ARHGEF1: variants seen among roughly 807,000 people sequenced by gnomAD.
ARHGEF1 encodes Rho guanine nucleotide exchange factor 1.
ARHGEF1 carries 40 observed loss-of-function variants against 119.7 expected under a neutral mutation model. The ratio of observed to expected loss-of-function variants is 0.33; its 90% CI spans 0.26 to 0.44. ARHGEF1 has a LOEUF of 0.44. Among genes scored for constraint, ARHGEF1 ranks in the 20% least tolerant of loss-of-function variants. ARHGEF1 has a pLI of 1.00. For synonymous variants in ARHGEF1, 494 were observed against 521.0 expected, an observed-to-expected ratio of 0.95 and a Z score of 0.71; for missense variants, 976 against 1,268.3, an observed-to-expected ratio of 0.77 and a Z score of 3.50.
At chr19:41,912,550 C>T (rs2074759238) in intron 18 of ARHGEF1, among the ~76,000 whole-genome samples, 1 of 152,210 alleles carries the variant, frequency 6.6e-6, no homozygotes, top group African/African-American at 2.4e-5. Flanking sequence ...TGGGAGCAGG[C>T]TGAGACGTGC....
chr19:41,908,375 A>T, downstream of ARHGEF1: 1 of 1,230,826 alleles, frequency 8.1e-7, no homozygotes, highest in Non-Finnish European at 1.0e-6. The surrounding 1 kb of genome is among the most constrained non-coding windows in gnomAD (Gnocchi z 6.7). Flanking sequence ...CAGCCTCTGG[A>T]CCCCCAGCCC....
Position 41,892,876 on chromosome 19 carries a change from G to A in ARHGEF1, c.614+27G>A, listed in dbSNP as rs3815956. 770 of 1,470,330 alleles carry A rather than the reference G, an allele frequency of 5.2e-4. 8 individuals are homozygous for A. In the East Asian group the frequency reaches 0.014, roughly 27 times the overall value. 91.1% of individuals were successfully genotyped at this position (1,470,330 alleles called of 1,614,324 possible). On this transcript the variant is annotated intron_variant, in intron 7 of 28. Coordinates refer to ENST00000354532, the MANE Select transcript of ARHGEF1 (RefSeq NM_004706.4). This position sits in a 1 kb window ranked among gnomAD's most constrained non-coding sequence, Gnocchi z 6.3. ...TGAGTAGGCCAGCCCTGGTGGGAGC[G>A]TCGCCCCTCCCCAGCACAAGGGCAC...
downstream of ARHGEF1, chr19:41,907,489 G>T: frequency 7.4e-7 from 1 of 1,354,276 alleles, no homozygotes; most frequent in African/African-American, 1.5e-5. Flanking sequence ...GGCCTGGCAT[G>T]GCGTCTGGAA....
In ARHGEF1 at chr19:41,904,436, G is replaced by A. The variant is rs2074656914; in HGVS notation, c.2161+53G>A. 2 of 1,491,490 alleles carry A rather than the reference G, an allele frequency of 1.3e-6. No homozygotes were observed. The highest frequency in any genetic ancestry group is 8.9e-7 in the Non-Finnish European group (1 of 1,119,840). 92.4% of individuals were successfully genotyped at this position (1,491,490 alleles called of 1,614,324 possible). The stretch of plus-strand genomic sequence containing the variant: ...GCAGAGGGTGTCTTTTTTGGGCAGA[G>A]CTGCCTGTGGAGTGGGGAGCAGAAC... On this transcript the variant is annotated intron_variant, in intron 22 of 28. Transcript: ENST00000354532. This position sits in a 1 kb window ranked among gnomAD's most constrained non-coding sequence, Gnocchi z 8.4.
rs2074804931 is a variant in ARHGEF1 at position 41,916,892 on chromosome 19, T to C, written c.1866-6200T>C. On this transcript the variant is annotated intron_variant, in intron 18 of 20. Transcript: ENST00000599589. The surrounding 1 kb of genome is among the most constrained non-coding windows in gnomAD (Gnocchi z 5.4). ...CACAGACACACCCAGACACACTGGG[T>C]AGGGGTGGGCACTCAGAGATGACCC... 6.6e-6 allele frequency among the ~76,000 whole-genome samples: 1 copy of C among 151,810 alleles called. No individual in the cohort carries two copies. The highest frequency in any genetic ancestry group is 2.1e-4 in the South Asian group (1 of 4,800).
chr19:41,902,949 A>AT lies in ARHGEF1; in HGVS notation c.1738+59dup, dbSNP rs782471489. On this transcript the variant is annotated intron_variant, in intron 18 of 28. Transcript: ENST00000354532. The surrounding 1 kb of genome is among the most constrained non-coding windows in gnomAD (Gnocchi z 6.5). ...CTCGGCTCTCCTCTTTTTTTTTTAC[A>AT]TTTTTTTTCTCACTCATTTTCATCA... is the stretch of plus-strand genomic sequence containing the variant. The AT allele has an allele frequency of 2.5e-5, 36 of 1,415,228 alleles. No homozygotes were observed. The highest frequency in any genetic ancestry group is 4.9e-5 in the Admixed American group (2 of 40,742). 87.7% of individuals were successfully genotyped at this position (1,415,228 alleles called of 1,614,324 possible).
rs181625077 is a variant in ARHGEF1 at position 41,889,925 on chromosome 19, C to G, written c.225+1060C>G. On this transcript the variant is annotated intron_variant, in intron 4 of 28. Transcript: ENST00000354532. The surrounding 1 kb of genome is among the most constrained non-coding windows in gnomAD (Gnocchi z 4.0). ...TTCTAGAACACCAGATTGTGGACAT[C>G]AGCCCAGGGATCGTGCTGACTACCA... The G allele has an allele frequency of 2.0e-5, 3 of 152,304 alleles. No individual in the cohort carries two copies. The East Asian group carries it at 5.8e-4, about 29-fold the overall frequency. The allele number at this position is 152,304 out of a possible 1,614,324, so 9.4% of individuals were successfully genotyped here.
At position 41,901,982 on chromosome 19, in the gene ARHGEF1, G is replaced by A. The variant is rs782747123; in HGVS notation, c.1363G>A (p.Glu455Lys). The change falls in exon 15 of 29, where the codon GAG (glutamate) becomes AAG (lysine). Residue 455 changes from glutamate (E) to lysine (K), a missense_variant. Coordinates refer to ENST00000354532, the MANE Select transcript of ARHGEF1 (RefSeq NM_004706.4). ...GGCAGAATGCCTGTTCTTCCCCTTG[G>A]AGGAGCTGCAGAACATCTTCCCCAG... is the stretch of plus-strand genomic sequence containing the variant. Reference protein sequence around the residue: ...PMAECLFFPLEELQNIFPSLD... With the variant: ...PMAECLFFPLKELQNIFPSLD... The A allele has an allele frequency of 7.4e-6, 12 of 1,613,962 alleles. No homozygotes were observed. The Admixed American group carries it at 1.8e-4, about 25-fold the overall frequency.
chr19:41,896,693 C>A, intron 13 of ARHGEF1: 1 of 695,898 alleles, frequency 1.4e-6, no homozygotes, highest in Non-Finnish European at 2.6e-6. Flanking sequence ...TCCTTTTATC[C>A]TTCCTTTTTC....
At position 41,905,615 on chromosome 19, in the gene ARHGEF1, C is replaced by T; in HGVS notation, c.2337-145C>T. On this transcript the variant is annotated intron_variant, in intron 24 of 28. Transcript: ENST00000354532. The surrounding 1 kb of genome is among the most constrained non-coding windows in gnomAD (Gnocchi z 6.4). ...GCCTCTGTGTCTTCCATTGTCTGGG[C>T]CTCTCTGTCTCCCTGTCTCCCGGCC... is the stretch of plus-strand genomic sequence containing the variant. 1 of 797,174 alleles carries T rather than the reference C, an allele frequency of 1.3e-6. No individual in the cohort carries two copies. Among genetic ancestry groups the T allele is most frequent in the Non-Finnish European group, 2.0e-6 (1 of 504,166 alleles). 49.4% of individuals were successfully genotyped at this position (797,174 alleles called of 1,614,324 possible). A position where few individuals can be genotyped will look rare whatever the true frequency, so the allele number is the denominator to read the frequency against.
At chr19:41,920,313 C>T (rs1373297597), upstream of ARHGEF1, among the ~76,000 whole-genome samples, 1 of 145,296 alleles carries the variant, frequency 6.9e-6, no homozygotes, top group African/African-American at 2.5e-5. Flanking sequence ...ACAGACATGA[C>T]ATGCCCAGAC....
At chr19:41,924,152 G>A (rs1283254304) in intron 1 of ARHGEF1, among the ~76,000 whole-genome samples, 1 of 151,778 alleles carries the variant, frequency 6.6e-6, no homozygotes, top group Non-Finnish European at 1.5e-5. Flanking sequence ...TAGGGGAGAT[G>A]GGGTTGGGAG....
intron 1 of ARHGEF1, among the ~76,000 whole-genome samples, chr19:41,886,250 C>G (rs542740948): frequency 3.3e-5 from 5 of 152,174 alleles, no homozygotes; most frequent in East Asian, 1.9e-4. Flanking sequence ...CTAAGTGTCT[C>G]TTTTGTGTCA....
In ARHGEF1 at chr19:41,883,267, G is replaced by A. The variant is rs1555844690; in HGVS notation, c.-42G>A. The A allele has an allele frequency of 5.0e-6, 1 of 199,494 alleles. No homozygotes were observed. The highest frequency in any genetic ancestry group is 1.1e-5 in the Non-Finnish European group (1 of 88,666). The allele number at this position is 199,494 out of a possible 1,614,324, so 12.4% of individuals were successfully genotyped here. A position where few individuals can be genotyped will look rare whatever the true frequency, so the allele number is the denominator to read the frequency against. On this transcript the variant is annotated 5_prime_UTR_variant, in exon 1 of 29. Transcript: ENST00000354532. This position sits in a 1 kb window ranked among gnomAD's most constrained non-coding sequence, Gnocchi z 7.6. ...CGAGCCCGACCTCGGGCGCCCCGCC[G>A]GTCACCTCCGCGCGGACACCAGGTA...
At position 41,901,906 on chromosome 19, in the gene ARHGEF1, G is replaced by A. The variant is rs782246247; in HGVS notation, c.1287G>A (p.Ala429=). ...EVISELLVTE[A]AHVRMLRVLH... ...CTGCAGAGCTGCTGGTGACAGAGGC[G>A]GCCCACGTGCGCATGCTGCGGGTGC... Residue 429 remains alanine, a synonymous_variant, in exon 15 of 29, where the codon GCG becomes GCA. Coordinates refer to ENST00000354532, the MANE Select transcript of ARHGEF1 (RefSeq NM_004706.4). The A allele has an allele frequency of 1.9e-5, 30 of 1,611,432 alleles. No individual in the cohort carries two copies. The highest frequency in any genetic ancestry group is 6.7e-5 in the East Asian group (3 of 44,868).
intron 28 of ARHGEF1, 64 bp from the exon 29 acceptor site, chr19:41,907,041 G>C (rs981596276): frequency 1.4e-6 from 2 of 1,395,364 alleles, no homozygotes. Flanking sequence ...TTGTCTCTGT[G>C]TCTGTCTCTC....
At chr19:41,919,275 A>T (rs566949274), upstream of ARHGEF1, among the ~76,000 whole-genome samples, 211 of 152,288 alleles carry the variant, frequency 1.4e-3, 1 homozygote, top group Middle Eastern at 6.8e-3. Context: ...GGGTGACACC[A>T]GAAACAGCTT....
Position 41,888,390 on chromosome 19 carries a change from C to T in ARHGEF1, c.111+112C>T. On this transcript the variant is annotated intron_variant, in intron 3 of 28. Coordinates refer to ENST00000354532, the MANE Select transcript of ARHGEF1 (RefSeq NM_004706.4). The surrounding 1 kb of genome is among the most constrained non-coding windows in gnomAD (Gnocchi z 5.1). ...GGCCTTTTCCCACGGTCTGTCTCAT[C>T]CTCTCATCTCCCTGGTACCTCCTTC... The T allele has an allele frequency of 2.9e-6, 3 of 1,044,970 alleles. No individual in the cohort carries two copies. 64.7% of individuals were successfully genotyped at this position (1,044,970 alleles called of 1,614,324 possible).
chr19:41,904,862 G>A lies in ARHGEF1; in HGVS notation c.2162-87G>A. ...TGGGAGCCCTGAGAGCGCCACCACT[G>A]TGGGTGACTTCTCCAGCTTGTGCTT... On this transcript the variant is annotated intron_variant, in intron 22 of 28. Transcript: ENST00000354532. This position sits in a 1 kb window ranked among gnomAD's most constrained non-coding sequence, Gnocchi z 8.4. 8.7e-7 allele frequency: 1 copy of A among 1,155,588 alleles called. No individual in the cohort carries two copies. Among genetic ancestry groups the A allele is most frequent in the Non-Finnish European group, 1.3e-6 (1 of 769,090 alleles). 71.6% of individuals were successfully genotyped at this position (1,155,588 alleles called of 1,614,324 possible). A position where few individuals can be genotyped will look rare whatever the true frequency, so the allele number is the denominator to read the frequency against.
Sources: gnomAD v4.1 joint callset for allele counts (sites outside exome capture counted in the v4.1 genomes callset) on GRCh38, gnomAD v4.1.1 for gene constraint, Gnocchi (gnomAD v3.1) non-coding constraint, MANE v1.5 for transcripts, NCBI Gene and HGNC (gene_info 2026-07-23, HGNC 2026-07-21) for gene names.